Variants in NRXN1 observed in about 807,000 individuals in gnomAD.
The protein encoded by NRXN1 is neurexin-1.
In NRXN1, 39 loss-of-function variants were observed where a neutral mutation model predicts 150.9. The ratio of observed to expected loss-of-function variants is 0.26; its 90% CI spans 0.20 to 0.34. The LOEUF is 0.34. Among genes scored for constraint, NRXN1 ranks in the 10% least tolerant of loss-of-function variants. The pLI is 1.00. For synonymous variants in NRXN1, 924 were observed against 757.0 expected (o/e 1.22, Z -3.62); for missense variants, 1,815 against 1,949.9 (o/e 0.93, Z 1.30).
At chr2:50,654,749 G>T (rs1355889496) in intron 5 of NRXN1, among the ~76,000 whole-genome samples, 1 of 152,046 alleles carries the variant, frequency 6.6e-6, no homozygotes, top group Non-Finnish European at 1.5e-5. Context: ...GTATCTCATT[G>T]TGTTTTTGAT....
chr2:50,104,624 C>T (rs1050233533), intron 18 of NRXN1, among the ~76,000 whole-genome samples: 4 of 151,888 alleles, frequency 2.6e-5, no homozygotes, highest in Admixed American at 6.6e-5. Flanking sequence ...ACTTTACAGG[C>T]AATAATACGT....
At chr2:50,399,400 T>C (rs1208513556) in intron 17 of NRXN1, among the ~76,000 whole-genome samples, 4 of 152,158 alleles carry the variant, frequency 2.6e-5, no homozygotes, top group African/African-American at 9.7e-5. Flanking sequence ...TCTCTACTCC[T>C]GAGTTCATGA....
chr2:50,640,725 A>T (rs1400160927), intron 5 of NRXN1, among the ~76,000 whole-genome samples: 2 of 152,216 alleles, frequency 1.3e-5, no homozygotes, highest in Admixed American at 6.5e-5. Context: ...TGACTTAGAC[A>T]ATCACATTTG....
chr2:50,234,582 T>C (rs2065249886), intron 18 of NRXN1, among the ~76,000 whole-genome samples: 1 of 152,068 alleles, frequency 6.6e-6, no homozygotes, highest in Non-Finnish European at 1.5e-5. Flanking sequence ...TAATCACCTC[T>C]TCTAGGCAAT....
chr2:50,615,069 A>C (rs1459152966), intron 8 of NRXN1, among the ~76,000 whole-genome samples: 1 of 152,158 alleles, frequency 6.6e-6, no homozygotes, highest in African/African-American at 2.4e-5. Context: ...TATTTTCCAA[A>C]CCTCATCTAC....
At chr2:50,782,702 G>C (rs575019188) in intron 5 of NRXN1, among the ~76,000 whole-genome samples, 2 of 152,198 alleles carry the variant, frequency 1.3e-5, no homozygotes, top group East Asian at 3.9e-4. Flanking sequence ...ATTTGTGGGG[G>C]GCAGCAGAGG....
intron 2 of NRXN1, among the ~76,000 whole-genome samples, chr2:50,951,478 A>G (rs969062667): frequency 6.6e-6 from 1 of 152,206 alleles, no homozygotes; most frequent in Non-Finnish European, 1.5e-5. Flanking sequence ...TTGAACACCA[A>G]GTATTTTTGG....
intron 5 of NRXN1, among the ~76,000 whole-genome samples, chr2:50,806,613 G>A (rs1667548387): frequency 6.6e-6 from 1 of 152,040 alleles, no homozygotes; most frequent in Admixed American, 6.6e-5. Flanking sequence ...TAGAGATATG[G>A]TCACACTGAC....
At chr2:50,323,679 A>G (rs1435103872) in intron 17 of NRXN1, among the ~76,000 whole-genome samples, 1 of 152,014 alleles carries the variant, frequency 6.6e-6, no homozygotes, top group Admixed American at 6.6e-5. Flanking sequence ...TTTTGATGTA[A>G]AGAAAAATGC....
chr2:49,950,178 TTGC>T (rs1388511290), intron 21 of NRXN1, among the ~76,000 whole-genome samples: 1 of 151,882 alleles, frequency 6.6e-6, no homozygotes, highest in Non-Finnish European at 1.5e-5. Flanking sequence ...GATTCCCAAA[TTGC>T]GGTCTATTTG....
intron 5 of NRXN1, among the ~76,000 whole-genome samples, chr2:50,684,194 G>A (rs958090210): frequency 3.3e-5 from 5 of 152,100 alleles, no homozygotes; most frequent in African/African-American, 1.2e-4. Flanking sequence ...AAAGAATTCT[G>A]TAAAATTACA....
chr2:50,588,338 C>G (rs1280538702), intron 8 of NRXN1, among the ~76,000 whole-genome samples: 1 of 152,022 alleles, frequency 6.6e-6, no homozygotes, highest in Non-Finnish European at 1.5e-5. Context: ...TAACATTAAA[C>G]TAAATAGTAA....
chr2:50,151,399 T>C (rs2058687369), intron 18 of NRXN1, among the ~76,000 whole-genome samples: 1 of 151,512 alleles, frequency 6.6e-6, no homozygotes, highest in Admixed American at 6.6e-5. Flanking sequence ...GTGACAGAAG[T>C]TTAAAATAGG....
At chr2:50,762,743 G>C (rs1012118850) in intron 5 of NRXN1, among the ~76,000 whole-genome samples, 7 of 151,940 alleles carry the variant, frequency 4.6e-5, no homozygotes, top group African/African-American at 1.7e-4. Context: ...AGATACTCTT[G>C]ATGGGCACCT....
At chr2:50,214,054 G>T (rs1559104233) in intron 18 of NRXN1, among the ~76,000 whole-genome samples, 1 of 151,900 alleles carries the variant, frequency 6.6e-6, no homozygotes, top group Non-Finnish European at 1.5e-5. Flanking sequence ...ACTTAAATGT[G>T]TCCCTCAGTT....
At chr2:50,187,496 T>C (rs1045938207) in intron 18 of NRXN1, among the ~76,000 whole-genome samples, 1 of 151,898 alleles carries the variant, frequency 6.6e-6, no homozygotes, top group African/African-American at 2.4e-5. Context: ...TTAAAAAAAA[T>C]AGTGGTAGTT....
chr2:50,207,196 A>T (rs1281931276), intron 18 of NRXN1, among the ~76,000 whole-genome samples: 1 of 152,120 alleles, frequency 6.6e-6, no homozygotes, highest in African/African-American at 2.4e-5. Flanking sequence ...CTATCTTCAC[A>T]TTTTATCTAC....
At chr2:50,418,250 C>G (rs1203542119) in intron 17 of NRXN1, among the ~76,000 whole-genome samples, 1 of 152,038 alleles carries the variant, frequency 6.6e-6, no homozygotes, top group African/African-American at 2.4e-5. Context: ...GGAATCTCCA[C>G]TGAGTCCTGA....
At chr2:50,619,919 G>A (rs534420091) in intron 8 of NRXN1, 103 bp downstream of exon 8, 14 of 1,052,280 alleles carry the variant, frequency 1.3e-5, no homozygotes, top group East Asian at 1.1e-4. Flanking sequence ...AAGTTGTGCC[G>A]TTTGACTCTG....
Sources: allele counts gnomAD v4.1 joint callset (sites outside exome capture counted in the v4.1 genomes callset), GRCh38; gene constraint gnomAD v4.1.1; transcripts MANE v1.5; gene names NCBI Gene and HGNC (gene_info 2026-07-23, HGNC 2026-07-21).